ATP6V1G1: variants seen among roughly 807,000 people sequenced by gnomAD.
The protein encoded by ATP6V1G1 is ATPase H+ transporting V1 subunit G1, also known as V-type proton ATPase subunit G 1.
ATP6V1G1 carries 14 observed loss-of-function variants against 14.2 expected under a neutral mutation model. That is an observed-to-expected ratio of 0.99 (90% CI 0.65 to 1.55). ATP6V1G1 has a LOEUF of 1.55. Among genes scored for constraint, ATP6V1G1 ranks in the 40% most tolerant of loss-of-function variants. The pLI, the probability that ATP6V1G1 is intolerant of heterozygous loss-of-function variation, is 0.00. For synonymous variants in ATP6V1G1, 65 were observed against 53.3 expected (o/e 1.22, Z -0.96); for missense variants, 137 against 146.4 (o/e 0.94, Z 0.33).
chr9:114,588,038 G>A, intron 1 of ATP6V1G1, 118 bp downstream of exon 1: 1 of 1,129,738 alleles, frequency 8.9e-7, no homozygotes, highest in Non-Finnish European at 1.3e-6. Flanking sequence ...GTATAGTCGC[G>A]GAAGGTTGTG....
In ATP6V1G1 at chr9:114,587,921, G is replaced by C. The variant is rs1216493711; in HGVS notation, c.82+1G>C. 3 of 1,572,112 alleles carry C rather than the reference G, an allele frequency of 1.9e-6. No homozygotes were observed. The highest frequency in any genetic ancestry group is 2.6e-6 in the Non-Finnish European group (3 of 1,158,600). ...GAGAAGGTGTCCGAGGCCCGCAAAA[G>C]TGAGTTTCAGGGTGGGGCTGCCCGG... On this transcript the variant is annotated splice_donor_variant, in intron 1 of 2. Coordinates refer to ENST00000374050, the MANE Select transcript of ATP6V1G1 (RefSeq NM_004888.4). LOFTEE classifies it high-confidence loss of function.
chr9:114,590,864 C>T (rs1564273935), intron 1 of ATP6V1G1, among the ~76,000 whole-genome samples: 2 of 152,090 alleles, frequency 1.3e-5, no homozygotes, highest in Admixed American at 6.5e-5. Context: ...GGCGTGATCT[C>T]GGCTCACTAC....
chr9:114,592,822 C>A, intron 2 of ATP6V1G1, 170 bp downstream of exon 2: 1 of 675,294 alleles, frequency 1.5e-6, no homozygotes, highest in Admixed American at 3.1e-5. Context: ...TCAGTTTTTC[C>A]ATTCATATTG....
chr9:114,589,738 G>A (rs551735422), intron 1 of ATP6V1G1, among the ~76,000 whole-genome samples: 50 of 151,938 alleles, frequency 3.3e-4, no homozygotes, highest in African/African-American at 1.1e-3. Flanking sequence ...TGTATCTGTC[G>A]GGAGGGATAG....
intron 2 of ATP6V1G1, 72 bp downstream of exon 2, chr9:114,592,724 C>T: frequency 6.9e-7 from 1 of 1,449,212 alleles, no homozygotes; most frequent in South Asian, 1.3e-5. Context: ...TCAGAATATC[C>T]AGCATAGCTC....
intron 1 of ATP6V1G1, among the ~76,000 whole-genome samples, chr9:114,591,344 T>G (rs1169668043): frequency 2.0e-5 from 3 of 152,240 alleles, no homozygotes; most frequent in Non-Finnish European, 4.4e-5. Context: ...TGATGTCTTG[T>G]GAAATCATGC....
chr9:114,589,164 C>A (rs192644719), intron 1 of ATP6V1G1, among the ~76,000 whole-genome samples: 2 of 152,206 alleles, frequency 1.3e-5, no homozygotes, highest in Non-Finnish European at 2.9e-5. Context: ...GCTTGTCCCC[C>A]GGACTAGGCT....
intron 2 of ATP6V1G1, 33 bp from the exon 3 acceptor site, chr9:114,597,537 T>C: frequency 6.9e-7 from 1 of 1,444,542 alleles, no homozygotes; most frequent in Non-Finnish European, 9.1e-7. Context: ...ATTGTTCTGA[T>C]AATCCCTCCG....
At position 114,587,807 on chromosome 9, in the gene ATP6V1G1, C is replaced by G; in HGVS notation, c.-32C>G. 6.4e-7 allele frequency: 1 copy of G among 1,563,996 alleles called. No homozygotes were observed. The highest frequency in any genetic ancestry group is 1.4e-5 in the African/African-American group (1 of 74,010). Reference sequence around the variant, plus strand: ...CAAGGGGCCTTCGAGGTGCCTTAGGCCGCTTGCCTTGCTCTCAGAATCGCT... The same window carrying G: ...CAAGGGGCCTTCGAGGTGCCTTAGGGCGCTTGCCTTGCTCTCAGAATCGCT... On this transcript the variant is annotated 5_prime_UTR_variant, in exon 1 of 3. Transcript: ENST00000374050.
At position 114,593,873 on chromosome 9, in the gene ATP6V1G1, T is replaced by C. The variant is rs116214360; in HGVS notation, c.183+1221T>C. Among the ~76,000 whole-genome samples, 1,052 of 152,128 alleles carry C rather than the reference T, an allele frequency of 6.9e-3. 11 individuals carry two copies. The highest frequency in any genetic ancestry group is 0.024 in the African/African-American group (1,013 of 41,488). ...TGGGAGGCTGAGGTGGGAGGATTGC[T>C]TGAAGCCACAAGTTCAAAACCAGCC... is the stretch of plus-strand genomic sequence containing the variant. On this transcript the variant is annotated intron_variant, in intron 2 of 2. Transcript: ENST00000374050.
intron 2 of ATP6V1G1, among the ~76,000 whole-genome samples, chr9:114,594,543 C>T (rs556669724): frequency 6.6e-6 from 1 of 151,898 alleles, no homozygotes; most frequent in East Asian, 2.0e-4. Flanking sequence ...GCCACCATGC[C>T]CGGCTAATTT....
intron 1 of ATP6V1G1, among the ~76,000 whole-genome samples, chr9:114,588,770 C>G (rs1329461171): frequency 6.6e-6 from 1 of 152,122 alleles, no homozygotes; most frequent in Admixed American, 6.6e-5. Context: ...ATCCATTCTC[C>G]TCTCTGCAAT....
intron 2 of ATP6V1G1, among the ~76,000 whole-genome samples, chr9:114,595,981 T>C (rs1845233695): frequency 6.6e-6 from 1 of 152,092 alleles, no homozygotes; most frequent in African/African-American, 2.4e-5. Flanking sequence ...CAGAACGTTA[T>C]AGGTTAAGTT....
At chr9:114,594,094 AGTTTTGCTCTTGTTGCCCAGGCT>A in intron 2 of ATP6V1G1, among the ~76,000 whole-genome samples, 1 of 109,414 alleles carries the variant, frequency 9.1e-6, no homozygotes, top group Non-Finnish European at 1.9e-5. Context: ...TGAGACGGGG[AGTTTTGCTCTTGTTGCCCAGGCT>A]GGAGTGCAAT....
In ATP6V1G1 at chr9:114,587,890, G is replaced by C; in HGVS notation, c.52G>C (p.Ala18Pro). 6.3e-7 allele frequency: 1 copy of C among 1,590,142 alleles called. No homozygotes were observed. Among genetic ancestry groups the C allele is most frequent in the Non-Finnish European group, 8.6e-7 (1 of 1,169,032 alleles). Residue 18 changes from alanine (A) to proline (P), a missense_variant, in exon 1 of 3, where the codon GCA becomes CCA. Ala to Pro is a conservative substitution (Grantham distance 27). Coordinates refer to ENST00000374050, the MANE Select transcript of ATP6V1G1 (RefSeq NM_004888.4). ...GCAGCTGCTGCAGGCCGAGAAGCGG[G>C]CAGCCGAGAAGGTGTCCGAGGCCCG... is the stretch of plus-strand genomic sequence containing the variant. ...IQQLLQAEKR[A>P]AEKVSEARKR...
chr9:114,595,185 AGC>A lies in ATP6V1G1; in HGVS notation c.184-2384_184-2383del, dbSNP rs1440038702. Among the ~76,000 whole-genome samples, 117 of 152,256 alleles carry A rather than the reference AGC, an allele frequency of 7.7e-4. 1 individual carries two copies. Among genetic ancestry groups the A allele is most frequent in the South Asian group, 2.7e-3 (13 of 4,830 alleles). On this transcript the variant is annotated intron_variant, in intron 2 of 2. Coordinates refer to ENST00000374050, the MANE Select transcript of ATP6V1G1 (RefSeq NM_004888.4). Reference sequence around the variant, plus strand: ...GCTCAGCCAAGCTCTGAATCTTTCTAGCAGTGTTCCATTGTAACCTCTTTAGT... The same window carrying A: ...GCTCAGCCAAGCTCTGAATCTTTCTAAGTGTTCCATTGTAACCTCTTTAGT...
Position 114,597,823 on chromosome 9 carries a change from T to G in ATP6V1G1, c.*80T>G. On this transcript the variant is annotated 3_prime_UTR_variant, in exon 3 of 3. Transcript: ENST00000374050. The stretch of plus-strand genomic sequence containing the variant: ...AAGCTTAGCACAGCTCTAGTTACAT[T>G]CTTATGATATGGCATTAAATTATTT... 8.0e-7 allele frequency: 1 copy of G among 1,248,260 alleles called. No homozygotes were observed. Among genetic ancestry groups the G allele is most frequent in the African/African-American group, 1.5e-5 (1 of 64,820 alleles). 77.3% of individuals were successfully genotyped at this position (1,248,260 alleles called of 1,614,324 possible). A position where few individuals can be genotyped will look rare whatever the true frequency, so the allele number is the denominator to read the frequency against.
At position 114,598,546 on chromosome 9, in the gene ATP6V1G1, C is replaced by T. The variant is rs376592139; in HGVS notation, c.*803C>T. 6.8e-4 allele frequency among the ~76,000 whole-genome samples: 104 copies of T among 152,274 alleles called. No homozygotes were observed. The highest frequency in any genetic ancestry group is 2.3e-3 in the African/African-American group (94 of 41,534). ...TTTATATACATAATTAGAAAATGTT[C>T]CTGATACATGTGTCATGTGATTTCT... On this transcript the variant is annotated 3_prime_UTR_variant, in exon 3 of 3. Transcript: ENST00000374050.
chr9:114,596,071 G>C (rs997535370), intron 2 of ATP6V1G1, among the ~76,000 whole-genome samples: 2 of 152,046 alleles, frequency 1.3e-5, no homozygotes, highest in Non-Finnish European at 2.9e-5. Context: ...ATTCATGTCA[G>C]TGTGTGTGAA....
Sources: allele counts gnomAD v4.1 joint callset (sites outside exome capture counted in the v4.1 genomes callset), GRCh38; gene constraint gnomAD v4.1.1; transcripts MANE v1.5; gene names NCBI Gene and HGNC (gene_info 2026-07-23, HGNC 2026-07-21).